The following GCSAM variants were observed in gnomAD, a reference collection of about 807,000 sequenced individuals.
GCSAM encodes germinal center associated signaling and motility.
Under a neutral mutation model 17.6 loss-of-function variants are expected in GCSAM, and 8 were observed. That is an observed-to-expected ratio of 0.46 (90% CI 0.27 to 0.82). The LOEUF is 0.82. Ranked by LOEUF, GCSAM falls within the 40% of genes least tolerant of loss-of-function variation. The probability of loss-of-function intolerance (pLI) is 0.15; values close to 1 mark genes in which losing one functional copy is unlikely to be tolerated. For synonymous variants in GCSAM, 68 were observed against 69.0 expected (o/e 0.98, Z 0.07); for missense variants, 192 against 213.5 (o/e 0.90, Z 0.63).
At position 112,123,668 on chromosome 3, in the gene GCSAM, C is replaced by T. The variant is rs769756753; in HGVS notation, c.324G>A (p.Glu108=). 1 of 1,614,138 alleles carries T rather than the reference C, an allele frequency of 6.2e-7. No individual in the cohort carries two copies. The part of the protein sequence containing the change: ...PSGNSAEEYY[E]NVPCKAERPR... ...GTCTCTCAGCTTTGCAGGGAACATTCTCATAGTACTCTTCAGCAGAGTTCC... is the reference window on the plus strand; with the variant it reads ...GTCTCTCAGCTTTGCAGGGAACATTTTCATAGTACTCTTCAGCAGAGTTCC... The change falls in exon 6 of 6, where the codon GAG becomes GAA. Residue 108 remains glutamate, a synonymous_variant. Coordinates refer to ENST00000308910, the MANE Select transcript of GCSAM (RefSeq NM_152785.5).
At position 112,122,810 on chromosome 3, in the gene GCSAM, C is replaced by CAAT. The variant is rs1206441655; in HGVS notation, c.*644_*645insATT. The stretch of plus-strand genomic sequence containing the variant: ...TAACATTGTCTGATGGCATAATTGT[C>CAAT]TTATTAAGATTTCTAGGGAGAAATA... On this transcript the variant is annotated 3_prime_UTR_variant, in exon 6 of 6. Transcript: ENST00000308910. 4 of 152,102 alleles carry CAAT rather than the reference C, an allele frequency of 2.6e-5. No homozygotes were observed. Among genetic ancestry groups the CAAT allele is most frequent in the African/African-American group, 4.8e-5 (2 of 41,384 alleles). The allele number at this position is 152,102 out of a possible 1,614,324, so 9.4% of individuals were successfully genotyped here.
rs2074207014 is a variant in GCSAM at position 112,121,888 on chromosome 3, AATGT to A, written c.*1563_*1566del. 6.6e-6 allele frequency: 1 copy of A among 152,222 alleles called. No individual in the cohort carries two copies. Among genetic ancestry groups the A allele is most frequent in the Non-Finnish European group, 1.5e-5 (1 of 68,042 alleles). The allele number at this position is 152,222 out of a possible 1,614,324, so 9.4% of individuals were successfully genotyped here. A position where few individuals can be genotyped will look rare whatever the true frequency, so the allele number is the denominator to read the frequency against. On this transcript the variant is annotated 3_prime_UTR_variant, in exon 6 of 6. Transcript: ENST00000308910. ...TGAGAAGAAAACAGTAACTAAACAT[AATGT>A]ACCAGGTTCCCTGTCGCTTAGCTGG... is the stretch of plus-strand genomic sequence containing the variant.
intron 3 of GCSAM, among the ~76,000 whole-genome samples, chr3:112,127,333 C>G (rs1243122416): frequency 6.6e-6 from 1 of 151,942 alleles, no homozygotes; most frequent in African/African-American, 2.4e-5. Flanking sequence ...GACTTTTTTT[C>G]TGACAAAGTA....
chr3:112,130,331 A>G, intron 2 of GCSAM, 114 bp downstream of exon 2: 1 of 814,094 alleles, frequency 1.2e-6, no homozygotes, highest in Non-Finnish European at 2.1e-6. Context: ...TACTATTGCA[A>G]CTGCTACTGG....
rs2074184445 is a variant in GCSAM, at chr3:112,120,942, T to G, written c.*2513A>C. ...TTTTTAACTCTTTTTTTGTTCTTAA[T>G]ATTATTTTTGACTGACAAATCATAA... is the stretch of plus-strand genomic sequence containing the variant. On this transcript the variant is annotated 3_prime_UTR_variant, in exon 6 of 6. Transcript: ENST00000308910. 1 of 152,224 alleles carries G rather than the reference T, an allele frequency of 6.6e-6. No homozygotes were observed. The highest frequency in any genetic ancestry group is 1.5e-5 in the Non-Finnish European group (1 of 68,042). The allele number at this position is 152,224 out of a possible 1,614,324, so 9.4% of individuals were successfully genotyped here.
At position 112,128,006 on chromosome 3, in the gene GCSAM, T is replaced by C. The variant is rs2074368239; in HGVS notation, c.143+11A>G. 1.2e-6 allele frequency: 2 copies of C among 1,611,764 alleles called. No individual in the cohort carries two copies. Among genetic ancestry groups the C allele is most frequent in the East Asian group, 4.5e-5 (2 of 44,800 alleles). The stretch of plus-strand genomic sequence containing the variant: ...TAGGGAAATAACTCCTAAAAACAAC[T>C]GTCCACTCACCATGGAAGGCAGAAA... On this transcript the variant is annotated intron_variant, in intron 3 of 5. Coordinates refer to ENST00000308910, the MANE Select transcript of GCSAM (RefSeq NM_152785.5).
chr3:112,124,414 G>T (rs1461023400), intron 5 of GCSAM, among the ~76,000 whole-genome samples: 4 of 152,130 alleles, frequency 2.6e-5, no homozygotes, highest in Non-Finnish European at 5.9e-5. Flanking sequence ...TTCGAGACCA[G>T]CCTGGCCAAC....
At chr3:112,129,702 T>A (rs935778033) in intron 2 of GCSAM, 1 of 152,100 alleles carries the variant, frequency 6.6e-6, no homozygotes, top group Non-Finnish European at 1.5e-5. Flanking sequence ...ACTGAAAAAA[T>A]TCACCCTGTT....
At position 112,130,512 on chromosome 3, in the gene GCSAM, G is replaced by T; in HGVS notation, c.31C>A (p.Arg11=). 1 of 1,613,486 alleles carries T rather than the reference G, an allele frequency of 6.2e-7. No homozygotes were observed. The highest frequency in any genetic ancestry group is 8.5e-7 in the Non-Finnish European group (1 of 1,179,514). The change falls in exon 2 of 6, where the codon CGG becomes AGG. Residue 11 remains arginine, a splice_region_variant and synonymous_variant. Transcript: ENST00000308910. ...GGCATCTCTTGAGTGTTCTGCTGCC[G>T]CCTGAAACTCAACATATCAGAAACA... is the stretch of plus-strand genomic sequence containing the variant. MGNSLLRENR[R]QQNTQEMPWN... is the part of the protein sequence containing the mutation.
intron 1 of GCSAM, among the ~76,000 whole-genome samples, chr3:112,131,771 TTTGTC>T (rs774671245): frequency 9.2e-5 from 14 of 152,352 alleles, no homozygotes; most frequent in African/African-American, 3.1e-4. Context: ...TGTGAGTTGA[TTTGTC>T]TTATCTTAGG....
chr3:112,132,900 G>A, intron 1 of GCSAM, 192 bp downstream of exon 1: 1 of 567,104 alleles, frequency 1.8e-6, no homozygotes, highest in Non-Finnish European at 3.0e-6. Context: ...ATTCTTGGGA[G>A]AAGGCAAAAC....
At chr3:112,129,278 T>A (rs2107810925) in intron 2 of GCSAM, 1 of 152,346 alleles carries the variant, frequency 6.6e-6, no homozygotes, top group East Asian at 1.9e-4. Context: ...AGATATTCTC[T>A]GAACTCCTGA....
intron 4 of GCSAM, 91 bp downstream of exon 4, chr3:112,126,896 A>G: frequency 1.1e-6 from 1 of 885,246 alleles, no homozygotes; most frequent in Non-Finnish European, 1.9e-6. Flanking sequence ...TAATTGAAAT[A>G]TGCCTAAGGG....
intron 1 of GCSAM, 91 bp from the exon 2 acceptor site, chr3:112,130,604 C>T (rs1356654870): frequency 7.9e-6 from 9 of 1,132,942 alleles, no homozygotes; most frequent in Admixed American, 3.4e-5. Flanking sequence ...CTCATTTCTG[C>T]TATTTGTGTG....
intron 1 of GCSAM, chr3:112,132,864 C>T (rs1418129329): frequency 4.0e-6 from 2 of 500,630 alleles, no homozygotes; most frequent in East Asian, 7.3e-5. Flanking sequence ...CACCTTTCAG[C>T]TATTCTCCAT....
intron 1 of GCSAM, 194 bp downstream of exon 1, chr3:112,132,898 G>T: frequency 1.8e-6 from 1 of 565,118 alleles, no homozygotes; most frequent in Non-Finnish European, 3.0e-6. Flanking sequence ...TGATTCTTGG[G>T]AGAAGGCAAA....
chr3:112,128,173 G>T (rs767910710), intron 2 of GCSAM, 112 bp from the exon 3 acceptor site: 1 of 879,314 alleles, frequency 1.1e-6, no homozygotes, highest in South Asian at 1.4e-5. Context: ...CCCCGCAAGC[G>T]TGTTTCATTC....
rs1482783151 is a variant in GCSAM, at chr3:112,122,672, A to G, written c.*783T>C. The G allele has an allele frequency of 6.6e-6, 1 of 152,184 alleles. No individual in the cohort carries two copies. Among genetic ancestry groups the G allele is most frequent in the African/African-American group, 2.4e-5 (1 of 41,432 alleles). 9.4% of individuals were successfully genotyped at this position (152,184 alleles called of 1,614,324 possible). On this transcript the variant is annotated 3_prime_UTR_variant, in exon 6 of 6. Coordinates refer to ENST00000308910, the MANE Select transcript of GCSAM (RefSeq NM_152785.5). ...GCACTAAATTGGAAGTCAGTAGGAA[A>G]TCAGGCTCCAAATTAAGTTTTGCCA...
In GCSAM at chr3:112,133,149, C is replaced by G. The variant is rs759386575; in HGVS notation, c.-29G>C. On this transcript the variant is annotated 5_prime_UTR_variant, in exon 1 of 6. Transcript: ENST00000308910. The stretch of plus-strand genomic sequence containing the variant: ...CTCAGTCCTCTCAGGGCTTCCCCTC[C>G]GTCCCTTTACCACTTCCTTCTTGCC... 2 of 1,613,212 alleles carry G rather than the reference C, an allele frequency of 1.2e-6. No homozygotes were observed. Among genetic ancestry groups the G allele is most frequent in the South Asian group, 1.1e-5 (1 of 91,062 alleles).
Sources: allele counts gnomAD v4.1 joint callset (sites outside exome capture counted in the v4.1 genomes callset), GRCh38; gene constraint gnomAD v4.1.1; transcripts MANE v1.5; gene names NCBI Gene and HGNC (gene_info 2026-07-23, HGNC 2026-07-21).